Variants in SLC12A7 observed in about 807,000 individuals in gnomAD.
The protein encoded by SLC12A7 is solute carrier family 12 member 7.
A neutral mutation model predicts 120.6 loss-of-function variants in SLC12A7; 100 were observed. The observed-to-expected ratio is 0.83, with a 90% CI of 0.71 to 0.98. The LOEUF (loss-of-function observed/expected upper bound fraction) is 0.98, where lower values mean the gene tolerates loss of function less well. Among genes scored for constraint, SLC12A7 ranks in the 50% least tolerant of loss-of-function variants. The pLI, the probability that SLC12A7 is intolerant of heterozygous loss-of-function variation, is 0.00. For synonymous variants in SLC12A7, 760 were observed against 678.0 expected (o/e 1.12, Z -1.88); for missense variants, 1,373 against 1,548.1 (o/e 0.89, Z 1.90).
chr5:1,135,011 C>CT, the SLC12A7 span, among the ~76,000 whole-genome samples: 10,954 of 152,062 alleles, frequency 0.072, 650 homozygotes, highest in African/African-American at 0.15. Flanking sequence ...CCTGTAATCC[C>CT]AGCTACTCGG....
chr5:1,087,150 T>A, intron 5 of SLC12A7, 117 bp from the exon 6 acceptor site: 1 of 1,338,640 alleles, frequency 7.5e-7, no homozygotes, highest in Non-Finnish European at 1.0e-6. Context: ...AGGCAGCGTG[T>A]AGACCCTCGT....
At chr5:1,118,836 T>C in the SLC12A7 span, among the ~76,000 whole-genome samples, 2 of 152,256 alleles carry the variant, frequency 1.3e-5, no homozygotes, top group South Asian at 4.1e-4. Flanking sequence ...TCTGGTGGCT[T>C]CTTCCAAGGC....
the SLC12A7 span, among the ~76,000 whole-genome samples, chr5:1,155,631 C>A: frequency 0.015 from 2,214 of 151,410 alleles, 49 homozygotes; most frequent in African/African-American, 0.051. Context: ...CCGCCGCCGC[C>A]CACCTGCGCC....
At chr5:1,116,722 A>C (rs1011645551), upstream of SLC12A7, among the ~76,000 whole-genome samples, 1 of 152,158 alleles carries the variant, frequency 6.6e-6, no homozygotes, top group Admixed American at 6.5e-5. Flanking sequence ...TCTCACACGG[A>C]CGCCCGTGAG....
At chr5:1,127,983 C>T in the SLC12A7 span, among the ~76,000 whole-genome samples, 10 of 152,206 alleles carry the variant, frequency 6.6e-5, no homozygotes, top group Admixed American at 2.0e-4. Context: ...TCCAGGGCTG[C>T]GACGTCCTGG....
chr5:1,112,044 C>A lies in SLC12A7; in HGVS notation c.-53G>T. 1 of 1,214,390 alleles carries A rather than the reference C, an allele frequency of 8.2e-7. No individual in the cohort carries two copies. The highest frequency in any genetic ancestry group is 1.0e-6 in the Non-Finnish European group (1 of 975,716). 75.2% of individuals were successfully genotyped at this position (1,214,390 alleles called of 1,614,324 possible). A position where few individuals can be genotyped will look rare whatever the true frequency, so the allele number is the denominator to read the frequency against. On this transcript the variant is annotated 5_prime_UTR_variant, in exon 1 of 24. Transcript: ENST00000264930. Reference sequence around the variant, plus strand: ...CCGGCCCGGCCCGCGCTGCGCCGCTCCCGCCGACGCCACGGGACTTGGAGG... The same window carrying A: ...CCGGCCCGGCCCGCGCTGCGCCGCTACCGCCGACGCCACGGGACTTGGAGG...
chr5:1,119,388 T>A, the SLC12A7 span, among the ~76,000 whole-genome samples: 1 of 152,186 alleles, frequency 6.6e-6, no homozygotes, highest in African/African-American at 2.4e-5. Context: ...CGCACAGCAG[T>A]ACCCAGACAC....
upstream of SLC12A7, among the ~76,000 whole-genome samples, chr5:1,116,065 G>A (rs1010408499): frequency 6.6e-6 from 1 of 152,248 alleles, no homozygotes; most frequent in Non-Finnish European, 1.5e-5. Context: ...CCAGGGCCGA[G>A]AATTCTGCCC....
In SLC12A7 at chr5:1,052,262, A is replaced by T. The variant is rs1304948726; in HGVS notation, c.*98T>A. 9.9e-6 allele frequency: 10 copies of T among 1,005,102 alleles called. No individual in the cohort carries two copies. The highest frequency in any genetic ancestry group is 1.6e-5 in the Non-Finnish European group (10 of 632,844). The allele number at this position is 1,005,102 out of a possible 1,614,324, so 62.3% of individuals were successfully genotyped here. ...AGCTTGGGCGGCATCACTGGGGGACAGGTGTGTCTGCCGTCTGTTTCCCTG... is the reference window on the plus strand; with the variant it reads ...AGCTTGGGCGGCATCACTGGGGGACTGGTGTGTCTGCCGTCTGTTTCCCTG... On this transcript the variant is annotated 3_prime_UTR_variant, in exon 24 of 24. Coordinates refer to ENST00000264930, the MANE Select transcript of SLC12A7 (RefSeq NM_006598.3).
intron 1 of SLC12A7, among the ~76,000 whole-genome samples, chr5:1,104,009 C>T (rs759387068): frequency 2.0e-4 from 31 of 152,230 alleles, no homozygotes; most frequent in East Asian, 7.7e-4. Flanking sequence ...GGGCCCCCAG[C>T]GCACCTGCCA....
In SLC12A7 at chr5:1,074,586, G is replaced by C; in HGVS notation, c.2053C>G (p.Pro685Ala). The change falls in exon 16 of 24, where the codon CCC becomes GCC. Residue 685 changes from proline to alanine, a missense_variant. Transcript: ENST00000264930. ...GCTCACCTCCAGTTCTTGGTGTGGG[G>C]GGGACCGTGCTCCACGCGCAGCAGG... is the stretch of plus-strand genomic sequence containing the variant. The part of the protein sequence containing the change: ...YALLRVEHGP[P>A]HTKNWRPQVL... 6.2e-7 allele frequency: 1 copy of C among 1,612,622 alleles called. No homozygotes were observed. The highest frequency in any genetic ancestry group is 1.7e-4 in the Middle Eastern group (1 of 6,058).
At chr5:1,105,625 T>G (rs1347552031) in intron 1 of SLC12A7, among the ~76,000 whole-genome samples, 1 of 152,260 alleles carries the variant, frequency 6.6e-6, no homozygotes, top group African/African-American at 2.4e-5. Context: ...CAGAGGTTTA[T>G]CTGCACAGAA....
Position 1,097,776 on chromosome 5 carries a change from G to C in SLC12A7, c.125-3528C>G, listed in dbSNP as rs187433362. Among the ~76,000 whole-genome samples the C allele has an allele frequency of 3.9e-5, 6 of 152,276 alleles. 1 individual carries two copies. The highest frequency in any genetic ancestry group is 1.4e-4 in the African/African-American group (6 of 41,532). ...CATGTGAGCGTGTGTTCAGCCACCAGCATGTTGTCACCAAAAGCAGCCTCA... is the reference window on the plus strand; with the variant it reads ...CATGTGAGCGTGTGTTCAGCCACCACCATGTTGTCACCAAAAGCAGCCTCA... On this transcript the variant is annotated intron_variant, in intron 1 of 23. Coordinates refer to ENST00000264930, the MANE Select transcript of SLC12A7 (RefSeq NM_006598.3).
chr5:1,054,674 A>G (rs942176551), intron 22 of SLC12A7, among the ~76,000 whole-genome samples: 1 of 152,238 alleles, frequency 6.6e-6, no homozygotes, highest in Non-Finnish European at 1.5e-5. Flanking sequence ...GCGGACAGAC[A>G]GAGGCCGCCC....
intron 14 of SLC12A7, chr5:1,075,797 A>AG (rs1561060331): frequency 4.0e-6 from 2 of 493,846 alleles, no homozygotes; most frequent in Non-Finnish European, 7.1e-6. Context: ...ATTCCTGGGG[A>AG]GGGGAGTTAA....
At chr5:1,103,379 C>T (rs1271740230) in intron 1 of SLC12A7, among the ~76,000 whole-genome samples, 1 of 152,142 alleles carries the variant, frequency 6.6e-6, no homozygotes, top group African/African-American at 2.4e-5. Context: ...CTGGAAGGTC[C>T]TGGCAAGCTA....
In SLC12A7 at chr5:1,073,788, C is replaced by T; in HGVS notation, c.2086G>A (p.Val696Met). ...HTKNWRPQVL[V>M]MLNLDAEQAV... The stretch of plus-strand genomic sequence containing the variant: ...TGCTCCGCGTCCAGGTTCAGCATCA[C>T]CAGCACCTGGGGCCTGCAGCCAGGG... Residue 696 changes from valine (V) to methionine (M), a missense_variant, in exon 17 of 24, where the codon GTG (valine) becomes ATG (methionine). By Grantham distance (21) the Val-to-Met change is conservative. Coordinates refer to ENST00000264930, the MANE Select transcript of SLC12A7 (RefSeq NM_006598.3). 1 of 1,441,964 alleles carries T rather than the reference C, an allele frequency of 6.9e-7. No homozygotes were observed. The highest frequency in any genetic ancestry group is 2.7e-5 in the East Asian group (1 of 37,604). The allele number at this position is 1,441,964 out of a possible 1,614,324, so 89.3% of individuals were successfully genotyped here.
In SLC12A7 at chr5:1,093,513, C is replaced by G. The variant is rs76180362; in HGVS notation, c.342+20G>C. 1.7e-5 allele frequency: 11 copies of G among 644,060 alleles called. No individual in the cohort carries two copies. Among genetic ancestry groups the G allele is most frequent in the East Asian group, 8.3e-5 (2 of 24,104 alleles). 39.9% of individuals were successfully genotyped at this position (644,060 alleles called of 1,614,324 possible). Reference sequence around the variant, plus strand: ...ACACACGGGGCGGGGACTGGGCGGGCACGGGCAGGGTGGCAGTACCTTGGC... The same window carrying G: ...ACACACGGGGCGGGGACTGGGCGGGGACGGGCAGGGTGGCAGTACCTTGGC... On this transcript the variant is annotated intron_variant, in intron 3 of 23. Coordinates refer to ENST00000264930, the MANE Select transcript of SLC12A7 (RefSeq NM_006598.3).
the SLC12A7 span, among the ~76,000 whole-genome samples, chr5:1,130,550 C>CAT: frequency 8.0e-6 from 1 of 125,358 alleles, no homozygotes; most frequent in South Asian, 2.5e-4. Context: ...GGCGGCTGCC[C>CAT]GCGCAGGTCC....
Sources: gnomAD v4.1 joint callset for allele counts (sites outside exome capture counted in the v4.1 genomes callset) on GRCh38, gnomAD v4.1.1 for gene constraint, MANE v1.5 for transcripts, NCBI Gene and HGNC (gene_info 2026-07-23, HGNC 2026-07-21) for gene names.